PLIN3: variants seen among roughly 807,000 people sequenced by gnomAD.
PLIN3 encodes the protein perilipin-3.
PLIN3 carries 30 observed loss-of-function variants against 35.9 expected under a neutral mutation model. That is an observed-to-expected ratio of 0.84 (90% CI 0.62 to 1.13). PLIN3 has a LOEUF of 1.13. PLIN3 is among the 50% of genes most tolerant of loss of function. The pLI is 0.00. For missense variants in PLIN3, 603 were observed against 596.9 expected (o/e 1.01, Z -0.11); for synonymous variants, 261 against 262.5 (o/e 0.99, Z 0.06).
intron 5 of PLIN3, among the ~76,000 whole-genome samples, chr19:4,850,007 G>A (rs915070138): frequency 2.0e-5 from 3 of 151,112 alleles, no homozygotes; most frequent in Admixed American, 6.6e-5. Flanking sequence ...GTGCAATGGC[G>A]CAGTCTTGGC....
At chr19:4,854,792 A>G (rs2030419162) in intron 4 of PLIN3, among the ~76,000 whole-genome samples, 2 of 152,034 alleles carry the variant, frequency 1.3e-5, no homozygotes, top group African/African-American at 2.4e-5. Context: ...CCCAGAATTG[A>G]GAGAGCATTG....
chr19:4,858,997 C>A (rs748608062), intron 4 of PLIN3, among the ~76,000 whole-genome samples: 29 of 151,574 alleles, frequency 1.9e-4, no homozygotes, highest in Middle Eastern at 7.0e-3. Context: ...CCACCGCGCC[C>A]GGCCAGGAAC....
chr19:4,853,160 A>T (rs1372669380), intron 4 of PLIN3, among the ~76,000 whole-genome samples: 1 of 147,474 alleles, frequency 6.8e-6, no homozygotes, highest in Non-Finnish European at 1.5e-5. Flanking sequence ...TTTGAGATGG[A>T]GTCTCCCTCT....
At chr19:4,854,932 T>C (rs1460486812) in intron 4 of PLIN3, among the ~76,000 whole-genome samples, 1 of 150,550 alleles carries the variant, frequency 6.6e-6, no homozygotes, top group Non-Finnish European at 1.5e-5. Flanking sequence ...CTGGGCAACA[T>C]AGTAAGACCT....
At chr19:4,865,969 C>T (rs562249480) in intron 1 of PLIN3, among the ~76,000 whole-genome samples, 10 of 151,034 alleles carry the variant, frequency 6.6e-5, no homozygotes, top group East Asian at 2.0e-4. Context: ...ATGATCCGCC[C>T]GCCTCGGCCT....
intron 6 of PLIN3, among the ~76,000 whole-genome samples, chr19:4,846,555 C>T (rs2030103888): frequency 1.3e-5 from 2 of 151,964 alleles, no homozygotes; most frequent in Non-Finnish European, 2.9e-5. Context: ...AAAAATTAGC[C>T]AGGCATGGTG....
Position 4,839,245 on chromosome 19 carries a change from C to T in PLIN3, c.1252G>A (p.Val418Met), listed in dbSNP as rs780547295. The change falls in exon 8 of 8, where the codon GTG (valine) becomes ATG (methionine). Residue 418 changes from valine (V) to methionine (M), a missense_variant. Val to Met is a conservative substitution (Grantham distance 21). Transcript: ENST00000221957. ...GTGATTCCAGGGGCAAAGGGTCCCA[C>T]GAGCCACGTGACAGGTGTGTTCTGG... is the stretch of plus-strand genomic sequence containing the variant. ...VAQNTPVTWL[V>M]GPFAPGITEK... 6.2e-6 allele frequency: 10 copies of T among 1,611,380 alleles called. No homozygotes were observed. The highest frequency in any genetic ancestry group is 2.2e-5 in the South Asian group (2 of 91,042).
At chr19:4,842,370 A>G (rs1412387648) in intron 7 of PLIN3, among the ~76,000 whole-genome samples, 4 of 151,998 alleles carry the variant, frequency 2.6e-5, no homozygotes, top group Non-Finnish European at 5.9e-5. Flanking sequence ...TGGAGGCTGC[A>G]GTGAGTCAAG....
chr19:4,856,737 C>T (rs1319868254), intron 4 of PLIN3, among the ~76,000 whole-genome samples: 1 of 146,566 alleles, frequency 6.8e-6, no homozygotes, highest in Non-Finnish European at 1.5e-5. Context: ...CAGAGCCTTG[C>T]TCTGTTGCCC....
chr19:4,862,194 G>A (rs981025537), intron 1 of PLIN3, among the ~76,000 whole-genome samples: 2 of 148,920 alleles, frequency 1.3e-5, no homozygotes, highest in Admixed American at 1.4e-4. Flanking sequence ...GCAGTGGCAC[G>A]ATCTCGGCTC....
chr19:4,856,945 A>G (rs912784659), intron 4 of PLIN3, among the ~76,000 whole-genome samples: 1 of 151,938 alleles, frequency 6.6e-6, no homozygotes, highest in African/African-American at 2.4e-5. Flanking sequence ...ATCTCAAGTG[A>G]TCTGCACGCT....
At chr19:4,858,437 G>A (rs1316267421) in intron 4 of PLIN3, among the ~76,000 whole-genome samples, 2 of 151,560 alleles carry the variant, frequency 1.3e-5, no homozygotes, top group Non-Finnish European at 2.9e-5. Context: ...GAGTGTAGTG[G>A]CGCGATCTCA....
At chr19:4,864,098 A>AATGTGTGTGTGTGTGTGTGT (rs1172963843) in intron 1 of PLIN3, among the ~76,000 whole-genome samples, 2 of 125,388 alleles carry the variant, frequency 1.6e-5, no homozygotes, top group Admixed American at 8.2e-5. Context: ...ACACCTGGCT[A>AATGTGTGTGTGTGTGTGTGT]GTGTGTGTGT....
chr19:4,843,538 T>TA (rs2029981295), intron 7 of PLIN3, among the ~76,000 whole-genome samples: 4 of 150,640 alleles, frequency 2.7e-5, no homozygotes, highest in African/African-American at 4.9e-5. Flanking sequence ...AATAAATAAA[T>TA]AATTGATCTG....
intron 1 of PLIN3, chr19:4,866,561 C>G (rs1461142539): frequency 6.6e-6 from 1 of 152,204 alleles, no homozygotes; most frequent in Admixed American, 6.6e-5. Context: ...GGGGTAAAGC[C>G]AGCCAGGAAC....
Position 4,847,833 on chromosome 19 carries a change from T to C in PLIN3, c.692A>G (p.Gln231Arg). The C allele has an allele frequency of 6.2e-7, 1 of 1,613,986 alleles. No individual in the cohort carries two copies. The highest frequency in any genetic ancestry group is 2.2e-5 in the East Asian group (1 of 44,870). Reference sequence around the variant, plus strand: ...CAGACGTACGAAGTAGCTCTGTTCCTGCCGCTGCTGCTGCACGGACGCGAC... The same window carrying C: ...CAGACGTACGAAGTAGCTCTGTTCCCGCCGCTGCTGCTGCACGGACGCGAC... ...FDVASVQQQR[Q>R]EQSYFVRLGS... is the part of the protein sequence containing the mutation. The change falls in exon 6 of 8, where the codon CAG (glutamine) becomes CGG (arginine). Residue 231 changes from glutamine to arginine, a missense_variant. Gln to Arg is a conservative substitution (Grantham distance 43). Coordinates refer to ENST00000221957, the MANE Select transcript of PLIN3 (RefSeq NM_005817.5).
chr19:4,853,015 T>C (rs1351755627), intron 4 of PLIN3, among the ~76,000 whole-genome samples: 3 of 152,126 alleles, frequency 2.0e-5, no homozygotes, highest in Non-Finnish European at 4.4e-5. Flanking sequence ...GGTTTCACCA[T>C]GTTGGTCAGG....
chr19:4,861,872 T>A (rs1373933810), intron 1 of PLIN3, among the ~76,000 whole-genome samples: 1 of 151,796 alleles, frequency 6.6e-6, no homozygotes, highest in African/African-American at 2.4e-5. Flanking sequence ...TGACCTTGTG[T>A]TCCACCCACC....
At chr19:4,863,827 C>CAAAAAA (rs766592535) in intron 1 of PLIN3, among the ~76,000 whole-genome samples, 1 of 116,900 alleles carries the variant, frequency 8.6e-6, no homozygotes, top group Non-Finnish European at 1.7e-5. Context: ...GACTCCATCT[C>CAAAAAA]AAAAAAAAAA....
Sources: gnomAD v4.1 joint callset for allele counts (sites outside exome capture counted in the v4.1 genomes callset) on GRCh38, gnomAD v4.1.1 for gene constraint, MANE v1.5 for transcripts, NCBI Gene and HGNC (gene_info 2026-07-23, HGNC 2026-07-21) for gene names.